TPD52: variants seen among roughly 807,000 people sequenced by gnomAD.
TPD52 encodes the protein tumor protein D52.
Under a neutral mutation model 31.3 loss-of-function variants are expected in TPD52, and 17 were observed. The ratio of observed to expected loss-of-function variants is 0.54; its 90% CI spans 0.37 to 0.82. The LOEUF is 0.82. Ranked by LOEUF, TPD52 falls within the 40% of genes least tolerant of loss-of-function variation. TPD52 has a pLI of 0.00. For synonymous variants in TPD52, 83 were observed against 89.6 expected, an observed-to-expected ratio of 0.93 and a Z score of 0.42; for missense variants, 212 against 240.1, an observed-to-expected ratio of 0.88 and a Z score of 0.77.
chr8:80,048,875 T>C (rs1172484062), intron 5 of TPD52, among the ~76,000 whole-genome samples: 2 of 152,196 alleles, frequency 1.3e-5, no homozygotes, highest in Non-Finnish European at 2.9e-5. Flanking sequence ...TAATATTTAT[T>C]AAAAACAAGA....
At chr8:80,061,460 G>A (rs1462860703) in intron 2 of TPD52, among the ~76,000 whole-genome samples, 1 of 144,376 alleles carries the variant, frequency 6.9e-6, no homozygotes, top group Non-Finnish European at 1.5e-5. Context: ...CCAGCACTTT[G>A]AGAGGCCTTG....
intron 1 of TPD52, among the ~76,000 whole-genome samples, chr8:80,168,206 CA>C (rs145721603): frequency 0.011 from 1,698 of 152,250 alleles, 35 homozygotes; most frequent in African/African-American, 0.038. Context: ...CCTGATACTA[CA>C]GAGCATTAGA....
At chr8:80,168,250 G>C (rs1224095986) in intron 1 of TPD52, among the ~76,000 whole-genome samples, 1 of 152,178 alleles carries the variant, frequency 6.6e-6, no homozygotes, top group Non-Finnish European at 1.5e-5. Context: ...GGAAAACTCA[G>C]TGTTTATTTT....
chr8:80,032,152 C>CAAAAAA (rs150988844), downstream of TPD52, among the ~76,000 whole-genome samples: 10 of 56,508 alleles, frequency 1.8e-4, no homozygotes, highest in South Asian at 6.8e-4. Context: ...GACTCCAGCT[C>CAAAAAA]AAAAAAAAAA....
Position 80,042,646 on chromosome 8 carries a change from A to G in TPD52, c.478T>C (p.Phe160Leu). The change falls in exon 7 of 8, where the codon TTT (phenylalanine) becomes CTT (leucine). Residue 160 changes from phenylalanine to leucine, a missense_variant. Physicochemically the swap from Phe to Leu is conservative, Grantham distance 22 (BLOSUM62 0). Transcript: ENST00000518937. The stretch of plus-strand genomic sequence containing the variant: ...TTTAAGTTTTCGACCTTTTCTTCAA[A>G]TGATTTAAAAGTTGGGGAGTTTCTA... The part of the protein sequence containing the change: ...AMRNSPTFKS[F>L]EEKVENLKSK... 1.9e-6 allele frequency: 3 copies of G among 1,611,958 alleles called. No homozygotes were observed. Among genetic ancestry groups the G allele is most frequent in the Non-Finnish European group, 1.7e-6 (2 of 1,179,026 alleles).
chr8:80,150,594 C>G (rs1056458014), intron 1 of TPD52, among the ~76,000 whole-genome samples: 4 of 152,228 alleles, frequency 2.6e-5, no homozygotes, highest in Non-Finnish European at 5.9e-5. Flanking sequence ...TGCCCAAGAC[C>G]ATGGGAACCC....
At chr8:80,040,181 T>A (rs1488406533) in intron 7 of TPD52, among the ~76,000 whole-genome samples, 1 of 147,324 alleles carries the variant, frequency 6.8e-6, no homozygotes, top group Non-Finnish European at 1.5e-5. Context: ...TTTAATACGC[T>A]ATCCTTTTTT....
At chr8:80,115,272 T>C (rs1201480079) in intron 1 of TPD52, among the ~76,000 whole-genome samples, 4 of 152,120 alleles carry the variant, frequency 2.6e-5, no homozygotes, top group Admixed American at 6.5e-5. Flanking sequence ...CCGTCTACAG[T>C]GGTCTACAAT....
chr8:80,086,116 A>ATT (rs1815738371), intron 1 of TPD52, among the ~76,000 whole-genome samples: 2 of 61,882 alleles, frequency 3.2e-5, no homozygotes, highest in African/African-American at 6.8e-5. Context: ...TTTTTTTTTT[A>ATT]GTTTTTTTTT....
intron 1 of TPD52, among the ~76,000 whole-genome samples, chr8:80,126,712 ACAT>A: frequency 6.6e-6 from 1 of 152,184 alleles, no homozygotes; most frequent in South Asian, 2.1e-4. Context: ...TGAACTCCTG[ACAT>A]CAAGTGATCC....
At chr8:80,053,147 GA>G in intron 3 of TPD52, 134 bp downstream of exon 3, 69 of 982,724 alleles carry the variant, frequency 7.0e-5, no homozygotes, top group Non-Finnish European at 7.6e-5. Context: ...TTGAAAATCA[GA>G]AAAAAAGGGT....
intron 1 of TPD52, among the ~76,000 whole-genome samples, chr8:80,155,084 G>A (rs1026977694): frequency 2.7e-5 from 4 of 150,308 alleles, no homozygotes; most frequent in African/African-American, 4.9e-5. Context: ...TGACACCTCC[G>A]CTTCCAGGGC....
rs868283447 is a variant in TPD52, at chr8:80,129,844, C to T, written c.19+41581G>A. On this transcript the variant is annotated intron_variant, in intron 1 of 7. Coordinates refer to ENST00000518937, the MANE Select transcript of TPD52 (RefSeq NM_001025253.3). The stretch of plus-strand genomic sequence containing the variant: ...CCTCCTGAGTAGCTGGGACTACAGG[C>T]GCACGCCACCACACCCAGCTAATTT... 5.3e-5 allele frequency among the ~76,000 whole-genome samples: 8 copies of T among 151,924 alleles called. No individual in the cohort carries two copies. The South Asian group carries it at 8.3e-4, about 16-fold the overall frequency.
intron 7 of TPD52, among the ~76,000 whole-genome samples, chr8:80,038,987 A>G (rs1810121323): frequency 6.6e-6 from 1 of 152,232 alleles, no homozygotes; most frequent in Non-Finnish European, 1.5e-5. Flanking sequence ...TTTCAATGCT[A>G]ATCTGTATAT....
chr8:80,150,538 A>G (rs1473614828), intron 1 of TPD52, among the ~76,000 whole-genome samples: 1 of 152,356 alleles, frequency 6.6e-6, no homozygotes, highest in African/African-American at 2.4e-5. Context: ...AGCCCGTGAA[A>G]GCAGCTGGGA....
At chr8:80,064,620 A>G in intron 1 of TPD52, 27 bp from the exon 2 acceptor site, 2 of 1,565,688 alleles carry the variant, frequency 1.3e-6, no homozygotes, top group Middle Eastern at 1.7e-4. Flanking sequence ...ACCATTTTTT[A>G]AAGTGCAAAA....
At chr8:80,141,746 C>G (rs933460910) in intron 1 of TPD52, among the ~76,000 whole-genome samples, 4 of 152,008 alleles carry the variant, frequency 2.6e-5, no homozygotes, top group Non-Finnish European at 5.9e-5. Context: ...CCCGTCTCTA[C>G]TAAAAATACA....
intron 1 of TPD52, among the ~76,000 whole-genome samples, chr8:80,130,731 C>T (rs905091679): frequency 1.3e-5 from 2 of 152,160 alleles, no homozygotes; most frequent in African/African-American, 2.4e-5. Context: ...TGGTGACCAA[C>T]CTTCCCTCAA....
intron 1 of TPD52, among the ~76,000 whole-genome samples, chr8:80,089,747 GGTAA>G (rs1373344628): frequency 1.3e-5 from 2 of 152,094 alleles, no homozygotes; most frequent in African/African-American, 4.8e-5. Context: ...AATTTTATGG[GGTAA>G]GTTTTTCCCT....
Sources: allele counts gnomAD v4.1 joint callset (sites outside exome capture counted in the v4.1 genomes callset), GRCh38; gene constraint gnomAD v4.1.1; transcripts MANE v1.5; gene names NCBI Gene and HGNC (gene_info 2026-07-23, HGNC 2026-07-21).